The following CAPRIN2 variants were observed in gnomAD, a reference collection of about 807,000 sequenced individuals.
CAPRIN2 encodes caprin-2.
Under a neutral mutation model 130.4 loss-of-function variants are expected in CAPRIN2, and 66 were observed. That is an observed-to-expected ratio of 0.51 (90% CI 0.42 to 0.62). The LOEUF is 0.62. Among genes scored for constraint, CAPRIN2 ranks in the 20% least tolerant of loss-of-function variants. CAPRIN2 has a pLI of 0.00. For missense variants in CAPRIN2, 1,185 were observed against 1,246.6 expected (o/e 0.95, Z 0.74); for synonymous variants, 471 against 444.1 (o/e 1.06, Z -0.76).
intron 12 of CAPRIN2, among the ~76,000 whole-genome samples, chr12:30,718,248 T>A (rs150092731): frequency 7.7e-4 from 118 of 152,308 alleles, no homozygotes; most frequent in African/African-American, 2.7e-3. Context: ...CTGTGCAGGA[T>A]GAACTGACAG....
At chr12:30,745,497 G>A (rs1160979145) in intron 2 of CAPRIN2, among the ~76,000 whole-genome samples, 2 of 152,016 alleles carry the variant, frequency 1.3e-5, no homozygotes, top group Admixed American at 6.5e-5. Context: ...CTTCAAAGAG[G>A]CTGCAAGAGC....
intron 4 of CAPRIN2, 67 bp downstream of exon 5, chr12:30,734,887 CTCTCTCTCTCACAT>C: frequency 2.0e-6 from 1 of 507,556 alleles, no homozygotes; most frequent in Non-Finnish European, 3.5e-6. Context: ...CACACACACA[CTCTCTCTCTCACAT>C]ACACACACCC....
At chr12:30,753,429 G>C (rs1044122754) in exon 1 of CAPRIN2, 62 of 1,613,946 alleles carry the variant, frequency 3.8e-5, no homozygotes, top group Non-Finnish European at 5.0e-5. Flanking sequence ...GGAAGGAGAT[G>C]CAGCAGAACT....
At chr12:30,739,525 A>C (rs1172479940) in intron 3 of CAPRIN2, among the ~76,000 whole-genome samples, 4 of 152,166 alleles carry the variant, frequency 2.6e-5, no homozygotes, top group Non-Finnish European at 5.9e-5. Context: ...CTTTATAACA[A>C]ACCTGCACAT....
chr12:30,710,993 T>C lies in CAPRIN2; in HGVS notation c.2666-523A>G, dbSNP rs1292952181. 6.6e-6 allele frequency among the ~76,000 whole-genome samples: 1 copy of C among 152,210 alleles called. No homozygotes were observed. Among genetic ancestry groups the C allele is most frequent in the African/African-American group, 2.4e-5 (1 of 41,454 alleles). ...TACACTTGTAATGTTTTAAGTGCCA[T>C]ACAAAAACACTGCTCACACTAAGGC... On this transcript the variant is annotated intron_variant, in intron 16 of 16. Transcript: ENST00000298892. The surrounding 1 kb of genome is among the most constrained non-coding windows in gnomAD (Gnocchi z 4.8).
chr12:30,717,212 G>A (rs111672229), intron 12 of CAPRIN2, among the ~76,000 whole-genome samples: 99 of 152,240 alleles, frequency 6.5e-4, no homozygotes, highest in African/African-American at 2.1e-3. Context: ...ATGGATAAGC[G>A]AAATGAAGTA....
intron 8 of CAPRIN2, among the ~76,000 whole-genome samples, chr12:30,726,967 CTCTCA>C (rs1234334343): frequency 6.6e-6 from 1 of 152,006 alleles, no homozygotes; most frequent in African/African-American, 2.4e-5. Context: ...GTATCCTCTC[CTCTCA>C]GTAACTGAAA....
rs764811341 is a variant in CAPRIN2 at position 30,716,492 on chromosome 12, T to C, written c.2317+16A>G. On this transcript the variant is annotated intron_variant, in intron 13 of 16. Transcript: ENST00000298892. ...GTCCCTCTAAGTCTTCCAAATATCA[T>C]ATGCAAAGATCTTACCAGTCTCTTG... is the stretch of plus-strand genomic sequence containing the variant. 2.5e-6 allele frequency: 4 copies of C among 1,610,654 alleles called. No homozygotes were observed. The highest frequency in any genetic ancestry group is 1.7e-5 in the Admixed American group (1 of 59,906).
chr12:30,723,349 G>C, intron 10 of CAPRIN2, 35 bp from the exon 12 acceptor site: 1 of 1,472,736 alleles, frequency 6.8e-7, no homozygotes, highest in Middle Eastern at 1.7e-4. Context: ...ACTACTGAGG[G>C]AAGACAAAAG....
chr12:30,722,883 G>A (rs1031532100), intron 11 of CAPRIN2, among the ~76,000 whole-genome samples: 1 of 152,110 alleles, frequency 6.6e-6, no homozygotes, highest in Admixed American at 6.5e-5. Context: ...CAGCCTGGGC[G>A]ACAGAGTGAG....
chr12:30,751,251 A>G (rs1218992526), intron 1 of CAPRIN2, 118 bp from the exon 3 acceptor site: 3 of 785,204 alleles, frequency 3.8e-6, no homozygotes, highest in Non-Finnish European at 6.7e-6. Context: ...TCAATCTGCA[A>G]GACTATCATT....
intron 2 of CAPRIN2, among the ~76,000 whole-genome samples, chr12:30,743,774 C>T (rs1270991426): frequency 6.6e-6 from 1 of 152,182 alleles, no homozygotes; most frequent in African/African-American, 2.4e-5. Flanking sequence ...ATTGTCCAAA[C>T]ATTAAATGTC....
At chr12:30,730,308 A>C (rs1402253372) in intron 6 of CAPRIN2, 26 bp from the exon 8 acceptor site, 24 of 1,545,636 alleles carry the variant, frequency 1.6e-5, no homozygotes, top group Non-Finnish European at 2.1e-5. Flanking sequence ...GAATCTGAAT[A>C]AATACTAGGT....
rs138217395 is a variant in CAPRIN2, at chr12:30,729,128, C to G, written c.1302G>C (p.Lys434Asn). 74 of 1,613,924 alleles carry G rather than the reference C, an allele frequency of 4.6e-5. No homozygotes were observed. The highest frequency in any genetic ancestry group is 2.3e-4 in the Admixed American group (14 of 59,964). Residue 434 changes from lysine to asparagine, a missense_variant, in exon 8 of 17, where the codon AAG becomes AAC. Lys to Asn is a moderately conservative substitution (Grantham distance 94). Around this residue, in one of 2 missense-constraint regions of CAPRIN2, gnomAD observed 1,104 missense variants for 1,104.3 expected, o/e 1.00. Transcript: ENST00000298892. The stretch of plus-strand genomic sequence containing the variant: ...TCCTCTGTTCTAAGGAAACTGCAGG[C>G]TTGGATACCTCCTGGTGCTTACCAG...
At chr12:30,715,585 G>A (rs1334853208) in intron 13 of CAPRIN2, 1 of 379,148 alleles carries the variant, frequency 2.6e-6, no homozygotes, top group East Asian at 7.4e-5. Context: ...TCTGGAGGTG[G>A]ACAGTGGTAA....
intron 5 of CAPRIN2, 126 bp downstream of exon 6, chr12:30,733,503 G>T: frequency 3.0e-6 from 2 of 669,568 alleles, no homozygotes; most frequent in South Asian, 3.5e-5. Context: ...TTCTCCCAGT[G>T]AATATAGTAT....
chr12:30,724,485 A>T (rs1431335511), intron 9 of CAPRIN2, 34 bp from the exon 11 acceptor site: 1 of 1,369,286 alleles, frequency 7.3e-7, no homozygotes, highest in Non-Finnish European at 1.0e-6. Flanking sequence ...GAGTGGAAAC[A>T]GAGATTACTC....
chr12:30,723,445 T>G, intron 10 of CAPRIN2, 131 bp from the exon 12 acceptor site: 1 of 627,252 alleles, frequency 1.6e-6, no homozygotes, highest in Non-Finnish European at 2.8e-6. Context: ...AAGTTCATCA[T>G]GCACTTTCTA....
At chr12:30,732,111 A>G (rs1398813125) in intron 5 of CAPRIN2, among the ~76,000 whole-genome samples, 1 of 152,014 alleles carries the variant, frequency 6.6e-6, no homozygotes, top group Non-Finnish European at 1.5e-5. Flanking sequence ...GTATTTTTCA[A>G]CTACAAAATT....
Sources: gnomAD v4.1 joint callset for allele counts (sites outside exome capture counted in the v4.1 genomes callset) on GRCh38, gnomAD v4.1.1 for gene constraint, gnomAD v4.1.1 regional missense constraint, Gnocchi (gnomAD v3.1) non-coding constraint, MANE v1.5 for transcripts, NCBI Gene and HGNC (gene_info 2026-07-23, HGNC 2026-07-21) for gene names.